FAF1: variants seen among roughly 807,000 people sequenced by gnomAD.
FAF1 encodes the protein FAS-associated factor 1.
FAF1 carries 25 observed loss-of-function variants against 92.5 expected under a neutral mutation model. The observed-to-expected ratio is 0.27, with a 90% CI of 0.20 to 0.38. FAF1 has a LOEUF of 0.38. FAF1 is among the 10% of genes least tolerant of loss of function. The pLI is 1.00. For missense variants in FAF1, 636 were observed against 793.3 expected (o/e 0.80, Z 2.38); for synonymous variants, 234 against 273.2 (o/e 0.86, Z 1.42).
At chr1:50,872,831 C>T (rs1414641803) in intron 1 of FAF1, among the ~76,000 whole-genome samples, 3 of 151,530 alleles carry the variant, frequency 2.0e-5, no homozygotes, top group African/African-American at 7.3e-5. Flanking sequence ...ACCTGGGAGG[C>T]GGAGTTGCAG....
At chr1:50,764,894 T>C (rs1660507745) in intron 4 of FAF1, among the ~76,000 whole-genome samples, 1 of 152,200 alleles carries the variant, frequency 6.6e-6, no homozygotes, top group South Asian at 2.1e-4. Flanking sequence ...GACACATTAA[T>C]TCAATTTTAC....
intron 7 of FAF1, 74 bp downstream of exon 7, chr1:50,705,712 T>C (rs1569803749): frequency 2.5e-6 from 2 of 796,100 alleles, no homozygotes; most frequent in East Asian, 4.9e-5. Context: ...CCAGAACAGA[T>C]AAGCCCTCTT....
intron 2 of FAF1, among the ~76,000 whole-genome samples, chr1:50,809,958 T>C (rs1461278891): frequency 1.3e-5 from 2 of 152,180 alleles, no homozygotes; most frequent in African/African-American, 4.8e-5. Flanking sequence ...GTTGGTTTAA[T>C]ACACACAAAT....
intron 7 of FAF1, among the ~76,000 whole-genome samples, chr1:50,701,256 A>T (rs548190285): frequency 6.6e-6 from 1 of 152,222 alleles, no homozygotes; most frequent in African/African-American, 2.4e-5. Context: ...CTTGCAGTAA[A>T]AACAAACCAC....
intron 17 of FAF1, among the ~76,000 whole-genome samples, chr1:50,485,117 T>C (rs915101175): frequency 1.3e-5 from 2 of 151,084 alleles, no homozygotes; most frequent in African/African-American, 2.4e-5. Context: ...AAAAAAGAAA[T>C]TATTATTATT....
chr1:50,846,514 C>G lies in FAF1; in HGVS notation c.114+11415G>C. 3 of 496,574 alleles carry G rather than the reference C, an allele frequency of 6.0e-6. 1 individual carries two copies. Among genetic ancestry groups the G allele is most frequent in the South Asian group, 3.1e-5 (2 of 64,924 alleles). 30.8% of individuals were successfully genotyped at this position (496,574 alleles called of 1,614,324 possible). On this transcript the variant is annotated intron_variant, in intron 2 of 18. Coordinates refer to ENST00000396153, the MANE Select transcript of FAF1 (RefSeq NM_007051.3). Reference sequence around the variant, plus strand: ...TTTAATCCTGAAAGCCATGCCGCGGCCAGACTGCTGCTGCTTTGAAACATA... The same window carrying G: ...TTTAATCCTGAAAGCCATGCCGCGGGCAGACTGCTGCTGCTTTGAAACATA...
chr1:50,574,079 T>C (rs2149060878), intron 12 of FAF1, among the ~76,000 whole-genome samples: 1 of 152,210 alleles, frequency 6.6e-6, no homozygotes, highest in African/African-American at 2.4e-5. Flanking sequence ...TGAGCTGAAA[T>C]TGTGCCACTA....
chr1:50,758,526 T>C (rs1445119534), intron 4 of FAF1, among the ~76,000 whole-genome samples: 1 of 152,248 alleles, frequency 6.6e-6, no homozygotes, highest in Non-Finnish European at 1.5e-5. Context: ...CTTTTAAATG[T>C]CAATTCTCAT....
chr1:50,674,382 A>C (rs1207742122), intron 7 of FAF1, among the ~76,000 whole-genome samples: 2 of 152,122 alleles, frequency 1.3e-5, no homozygotes, highest in Admixed American at 1.3e-4. Flanking sequence ...CACACTATTC[A>C]CTTACTTGGC....
chr1:50,768,460 C>T (rs1232676337), intron 4 of FAF1, among the ~76,000 whole-genome samples: 1 of 152,068 alleles, frequency 6.6e-6, no homozygotes, highest in Non-Finnish European at 1.5e-5. Context: ...CAGAACTCTA[C>T]ACCCAAAAAC....
chr1:50,452,935 C>A (rs2148981478), intron 18 of FAF1, among the ~76,000 whole-genome samples: 1 of 152,318 alleles, frequency 6.6e-6, no homozygotes, highest in African/African-American at 2.4e-5. Context: ...AGACCACATC[C>A]CTCTGGGTCT....
chr1:50,625,034 TG>T (rs2124189499), intron 8 of FAF1, among the ~76,000 whole-genome samples: 1 of 152,002 alleles, frequency 6.6e-6, no homozygotes, highest in Admixed American at 6.6e-5. Flanking sequence ...CCCGAGTAGC[TG>T]GGATTACAGG....
chr1:50,735,182 C>T (rs1186530651), intron 6 of FAF1, among the ~76,000 whole-genome samples: 1 of 152,176 alleles, frequency 6.6e-6, no homozygotes, highest in African/African-American at 2.4e-5. Context: ...TGAACTGAAT[C>T]TTTCCTGTAA....
intron 18 of FAF1, among the ~76,000 whole-genome samples, chr1:50,466,128 T>A (rs895457721): frequency 1.3e-5 from 2 of 152,130 alleles, no homozygotes; most frequent in African/African-American, 4.8e-5. Context: ...TTATAATAAT[T>A]TGAATAAGAG....
chr1:50,820,190 G>C (rs1644031102), intron 2 of FAF1, among the ~76,000 whole-genome samples: 1 of 152,046 alleles, frequency 6.6e-6, no homozygotes, highest in African/African-American at 2.4e-5. Context: ...AGTTTTGCAA[G>C]ATGAAAAAGT....
intron 12 of FAF1, among the ~76,000 whole-genome samples, chr1:50,567,612 G>A (rs1045963463): frequency 3.3e-5 from 5 of 151,998 alleles, no homozygotes; most frequent in African/African-American, 1.2e-4. Flanking sequence ...CAACAATACA[G>A]AGAAAAAATA....
At chr1:50,617,128 C>T (rs1474235023) in intron 8 of FAF1, among the ~76,000 whole-genome samples, 2 of 152,182 alleles carry the variant, frequency 1.3e-5, no homozygotes, top group Non-Finnish European at 1.5e-5. Flanking sequence ...GGATGCCTTT[C>T]ATTTCTTTCT....
intron 6 of FAF1, among the ~76,000 whole-genome samples, chr1:50,711,238 A>C (rs1045819806): frequency 3.3e-5 from 5 of 152,110 alleles, no homozygotes; most frequent in Non-Finnish European, 7.4e-5. Flanking sequence ...CATAAGTTAT[A>C]AGGTGAGCTA....
intron 8 of FAF1, among the ~76,000 whole-genome samples, chr1:50,654,666 A>T (rs1020544802): frequency 1.3e-5 from 2 of 152,228 alleles, no homozygotes; most frequent in Non-Finnish European, 2.9e-5. Flanking sequence ...ACTTTTAAGT[A>T]TCAGTCTACT....
Sources: allele counts gnomAD v4.1 joint callset (sites outside exome capture counted in the v4.1 genomes callset), GRCh38; gene constraint gnomAD v4.1.1; transcripts MANE v1.5; gene names NCBI Gene and HGNC (gene_info 2026-07-23, HGNC 2026-07-21).